The following CHSY3 variants were observed in gnomAD, a reference collection of about 807,000 sequenced individuals.
CHSY3 encodes N-acetylgalactosaminyl-proteoglycan 3-beta-glucuronosyltransferase 3.
CHSY3 carries 35 observed loss-of-function variants against 67.2 expected under a neutral mutation model. The observed-to-expected ratio is 0.52, with a 90% CI of 0.40 to 0.69. The LOEUF (loss-of-function observed/expected upper bound fraction) is 0.69, where lower values mean the gene tolerates loss of function less well. Among genes scored for constraint, CHSY3 ranks in the 30% least tolerant of loss-of-function variants. The pLI, the probability that CHSY3 is intolerant of heterozygous loss-of-function variation, is 0.00. For synonymous variants in CHSY3, 474 were observed against 434.7 expected (o/e 1.09, Z -1.12); for missense variants, 1,069 against 1,138.5 (o/e 0.94, Z 0.88).
intron 2 of CHSY3, among the ~76,000 whole-genome samples, chr5:129,976,143 T>G (rs886857147): frequency 6.6e-6 from 1 of 152,170 alleles, no homozygotes; most frequent in Non-Finnish European, 1.5e-5. Context: ...GTCTATATCC[T>G]TAGATCCCCA....
intron 2 of CHSY3, among the ~76,000 whole-genome samples, chr5:129,988,885 G>A (rs150045779): frequency 2.0e-5 from 3 of 152,134 alleles, no homozygotes; most frequent in Non-Finnish European, 4.4e-5. Flanking sequence ...CTGTACTTCT[G>A]TACCAACATC....
At position 130,143,810 on chromosome 5, in the gene CHSY3, GTATATATATATATATA is replaced by G. The variant is rs61284287; in HGVS notation, c.1087-40397_1087-40382del. 1.8e-4 allele frequency among the ~76,000 whole-genome samples: 10 copies of G among 56,484 alleles called. No individual in the cohort carries two copies. In the East Asian group the frequency reaches 2.7e-3, roughly 15 times the overall value. 37.1% of individuals were successfully genotyped at this position (56,484 alleles called of 152,430 possible). A position where few individuals can be genotyped will look rare whatever the true frequency, so the allele number is the denominator to read the frequency against. On this transcript the variant is annotated intron_variant, in intron 2 of 2. Transcript: ENST00000305031. ...TATATATATATATATATATATGTGT[GTATATATATATATATA>G]TATATATATATATATATATATGCCA... is the stretch of plus-strand genomic sequence containing the variant.
chr5:129,975,236 A>G lies in CHSY3; in HGVS notation c.1086+66876A>G, dbSNP rs533130694. Among the ~76,000 whole-genome samples, 4 of 152,340 alleles carry G rather than the reference A, an allele frequency of 2.6e-5. No individual in the cohort carries two copies. In the East Asian group the frequency reaches 7.7e-4, roughly 29 times the overall value. ...AAACTTAAAGTATAATAAAAAATAA[A>G]TAAATAAATACAATCTAAGACTATT... On this transcript the variant is annotated intron_variant, in intron 2 of 2. Transcript: ENST00000305031.
Position 130,184,623 on chromosome 5 carries a change from C to T in CHSY3, c.1481C>T (p.Ala494Val), listed in dbSNP as rs1194791260. 1 of 1,606,208 alleles carries T rather than the reference C, an allele frequency of 6.2e-7. No homozygotes were observed. The highest frequency in any genetic ancestry group is 1.7e-5 in the Admixed American group (1 of 59,984). ...RQSLSSILRT[A>V]LDDTVLQVME... ...AGCCTCAGTAGCATTTTAAGAACAG[C>T]ACTGGATGATACCGTCCTACAGGTG... The change falls in exon 3 of 3, where the codon GCA (alanine) becomes GTA (valine). Residue 494 changes from alanine to valine, a missense_variant. By Grantham distance (64) the Ala-to-Val change is moderately conservative. Around this residue, in one of 5 missense-constraint regions of CHSY3, gnomAD observed 401 missense variants for 395.2 expected, o/e 1.01. Transcript: ENST00000305031.
chr5:129,963,824 C>A (rs997446472), intron 2 of CHSY3, among the ~76,000 whole-genome samples: 6 of 151,416 alleles, frequency 4.0e-5, no homozygotes, highest in Non-Finnish European at 7.4e-5. Flanking sequence ...TTTGAAAAAA[C>A]CCCAGGGATG....
At chr5:129,997,912 A>G (rs943831957) in intron 2 of CHSY3, among the ~76,000 whole-genome samples, 2 of 152,078 alleles carry the variant, frequency 1.3e-5, no homozygotes, top group African/African-American at 4.8e-5. Flanking sequence ...TCTATCGTTG[A>G]TGGACATTTG....
intron 2 of CHSY3, among the ~76,000 whole-genome samples, chr5:129,978,964 C>T (rs879681364): frequency 2.6e-5 from 4 of 151,390 alleles, no homozygotes; most frequent in Non-Finnish European, 5.9e-5. Context: ...TTTGGGAGGC[C>T]GAGGCGGGCA....
At chr5:129,947,240 G>T (rs1160874120) in intron 2 of CHSY3, among the ~76,000 whole-genome samples, 1 of 151,902 alleles carries the variant, frequency 6.6e-6, no homozygotes, top group Non-Finnish European at 1.5e-5. Flanking sequence ...ACTATCATGA[G>T]AACAACATAA....
chr5:129,986,097 G>A (rs78924880), intron 2 of CHSY3, among the ~76,000 whole-genome samples: 1,553 of 152,130 alleles, frequency 0.01, 21 homozygotes, highest in African/African-American at 0.034. Context: ...CATCCTTGTC[G>A]TGTTCCAGAT....
chr5:130,076,658 A>C (rs1766265382), intron 2 of CHSY3, among the ~76,000 whole-genome samples: 1 of 152,008 alleles, frequency 6.6e-6, no homozygotes, highest in Non-Finnish European at 1.5e-5. Context: ...ATAGGGTTTT[A>C]CTTTTCTTGA....
intron 2 of CHSY3, among the ~76,000 whole-genome samples, chr5:130,109,700 T>G (rs1357715015): frequency 6.6e-6 from 1 of 151,770 alleles, no homozygotes; most frequent in Non-Finnish European, 1.5e-5. Context: ...TAATTTTTTT[T>G]TTAAGTGCAT....
intron 2 of CHSY3, among the ~76,000 whole-genome samples, chr5:130,061,496 C>G (rs569359442): frequency 5.8e-4 from 88 of 152,010 alleles, no homozygotes; most frequent in African/African-American, 2.1e-3. Context: ...TTGGCCTAGG[C>G]AAAGAATTTA....
chr5:130,019,150 T>A (rs995736496), intron 2 of CHSY3, among the ~76,000 whole-genome samples: 4 of 37,354 alleles, frequency 1.1e-4, no homozygotes, highest in African/African-American at 1.2e-4. Flanking sequence ...AGAAAAAAAT[T>A]TTTTTTTCTA....
At chr5:130,162,820 A>C (rs1191306016) in intron 2 of CHSY3, among the ~76,000 whole-genome samples, 2 of 152,226 alleles carry the variant, frequency 1.3e-5, no homozygotes, top group Non-Finnish European at 2.9e-5. Context: ...GAAAGGCCAC[A>C]TACCAATTGT....
chr5:130,066,344 G>T (rs1185820756), intron 2 of CHSY3, among the ~76,000 whole-genome samples: 1 of 152,040 alleles, frequency 6.6e-6, no homozygotes, highest in East Asian at 1.9e-4. Flanking sequence ...AGAGGCCACT[G>T]AGAAAACCTC....
intron 2 of CHSY3, among the ~76,000 whole-genome samples, chr5:130,173,350 A>G (rs947039390): frequency 1.3e-5 from 2 of 152,168 alleles, no homozygotes; most frequent in African/African-American, 4.8e-5. Flanking sequence ...AAAAAAAAAT[A>G]CCCAGAGATT....
chr5:129,969,068 T>C (rs1460437032), intron 2 of CHSY3, among the ~76,000 whole-genome samples: 1 of 151,870 alleles, frequency 6.6e-6, no homozygotes, highest in Non-Finnish European at 1.5e-5. Context: ...AGTGTTGTTA[T>C]GTACTGGTAT....
chr5:129,942,986 T>A (rs1761743169), intron 2 of CHSY3, among the ~76,000 whole-genome samples: 1 of 152,180 alleles, frequency 6.6e-6, no homozygotes, highest in South Asian at 2.1e-4. Context: ...CTGAAAGTTT[T>A]CCACAAAAGT....
Position 130,184,772 on chromosome 5 carries a change from T to C in CHSY3, c.1630T>C (p.Leu544=). 6.2e-7 allele frequency: 1 copy of C among 1,603,186 alleles called. No individual in the cohort carries two copies. The highest frequency in any genetic ancestry group is 8.5e-7 in the Non-Finnish European group (1 of 1,170,006). Residue 544 remains leucine, a synonymous_variant, in exon 3 of 3, where the codon TTA becomes CTA. Coordinates refer to ENST00000305031, the MANE Select transcript of CHSY3 (RefSeq NM_175856.5). The part of the protein sequence containing the change: ...GVEYILDLLL[L]YKRHKGRKLT... ...GGAGTACATTTTGGATTTACTCCTT[T>C]TATACAAAAGACACAAGGGAAGGAA...
Sources: gnomAD v4.1 joint callset for allele counts (sites outside exome capture counted in the v4.1 genomes callset) on GRCh38, gnomAD v4.1.1 for gene constraint, gnomAD v4.1.1 regional missense constraint, MANE v1.5 for transcripts, NCBI Gene and HGNC (gene_info 2026-07-23, HGNC 2026-07-21) for gene names.